LAMP3: variants seen among roughly 807,000 people sequenced by gnomAD.
The protein encoded by LAMP3 is lysosome-associated membrane glycoprotein 3.
LAMP3 carries 26 observed loss-of-function variants against 34.8 expected under a neutral mutation model. That is an observed-to-expected ratio of 0.75 (90% CI 0.55 to 1.04). The LOEUF is 1.04. Among genes scored for constraint, LAMP3 ranks in the 50% least tolerant of loss-of-function variants. LAMP3 has a pLI of 0.00. For missense variants in LAMP3, 495 were observed against 524.0 expected (o/e 0.94, Z 0.54); for synonymous variants, 180 against 201.9 (o/e 0.89, Z 0.92).
At chr3:183,132,973 A>C in intron 5 of LAMP3, 1 of 982,864 alleles carries the variant, frequency 1.0e-6, no homozygotes, top group Non-Finnish European at 1.2e-6. Context: ...TTGAAGTCAG[A>C]GTAACAAGTG....
At chr3:183,144,856 G>C (rs1720392994) in intron 3 of LAMP3, among the ~76,000 whole-genome samples, 1 of 152,212 alleles carries the variant, frequency 6.6e-6, no homozygotes, top group Non-Finnish European at 1.5e-5. Context: ...CAGTGAGCCT[G>C]ATCGTGCTAC....
At position 183,124,143 on chromosome 3, in the gene LAMP3, T is replaced by G. The variant is rs1379099535; in HGVS notation, c.1189A>C (p.Met397Leu). Residue 397 changes from methionine (M) to leucine (L), a missense_variant, in exon 6 of 6, where the codon ATG (methionine) becomes CTG (leucine). Transcript: ENST00000265598. The stretch of plus-strand genomic sequence containing the variant: ...CGGATTTTATAGACACCCATACCCA[T>G]AAGGCAGAGACCAACCACGATGGCC... The part of the protein sequence containing the change: ...IGAIVVGLCL[M>L]GMGVYKIRLR... 2 of 1,613,236 alleles carry G rather than the reference T, an allele frequency of 1.2e-6. No individual in the cohort carries two copies. Among genetic ancestry groups the G allele is most frequent in the Non-Finnish European group, 1.7e-6 (2 of 1,179,710 alleles).
chr3:183,136,609 C>T (rs1406968532), intron 4 of LAMP3, among the ~76,000 whole-genome samples: 1 of 138,496 alleles, frequency 7.2e-6, no homozygotes, highest in Non-Finnish European at 1.5e-5. Flanking sequence ...CGAGATTGTG[C>T]CATTGCACTC....
At chr3:183,126,182 A>C (rs1719774185) in intron 5 of LAMP3, among the ~76,000 whole-genome samples, 1 of 152,178 alleles carries the variant, frequency 6.6e-6, no homozygotes, top group African/African-American at 2.4e-5. Flanking sequence ...CGTAAAAACT[A>C]AAATAGTATT....
chr3:183,162,701 A>G lies in LAMP3; in HGVS notation c.-46T>C, dbSNP rs1464523432. On this transcript the variant is annotated 5_prime_UTR_variant, in exon 1 of 6. Coordinates refer to ENST00000265598, the MANE Select transcript of LAMP3 (RefSeq NM_014398.4). ...CTGCAGCGTGCGGCGAAGTCCGGGC[A>G]GGCCCCGAATCGGTGCCAGAGAAAC... The G allele has an allele frequency of 6.1e-5, 91 of 1,483,396 alleles. No homozygotes were observed. The highest frequency in any genetic ancestry group is 8.0e-5 in the Non-Finnish European group (90 of 1,123,240). The allele number at this position is 1,483,396 out of a possible 1,614,324, so 91.9% of individuals were successfully genotyped here.
At chr3:183,148,446 T>G (rs1445127084) in intron 3 of LAMP3, among the ~76,000 whole-genome samples, 1 of 152,118 alleles carries the variant, frequency 6.6e-6, no homozygotes, top group African/African-American at 2.4e-5. Context: ...AACCAGAACA[T>G]AGAAGAAGCT....
chr3:183,149,593 A>G (rs1367783831), intron 3 of LAMP3, among the ~76,000 whole-genome samples: 5 of 99,248 alleles, frequency 5.0e-5, no homozygotes, highest in African/African-American at 1.6e-4. Flanking sequence ...ATATATATAT[A>G]TATATATATA....
chr3:183,137,823 C>CTT (rs1312008157), intron 4 of LAMP3, among the ~76,000 whole-genome samples: 6 of 142,934 alleles, frequency 4.2e-5, no homozygotes, highest in Non-Finnish European at 6.2e-5. Context: ...TTCCCCCCAC[C>CTT]TTTTTTTTTT....
chr3:183,124,959 T>C (rs1449396229), intron 5 of LAMP3, among the ~76,000 whole-genome samples: 1 of 152,256 alleles, frequency 6.6e-6, no homozygotes, highest in Non-Finnish European at 1.5e-5. Flanking sequence ...GGTTCTATTG[T>C]ATTACTTTTA....
Position 183,162,734 on chromosome 3 carries a change from T to C in LAMP3, c.-79A>G. 7.5e-7 allele frequency: 1 copy of C among 1,331,734 alleles called. No individual in the cohort carries two copies. Among genetic ancestry groups the C allele is most frequent in the Non-Finnish European group, 9.9e-7 (1 of 1,011,228 alleles). The allele number at this position is 1,331,734 out of a possible 1,614,324, so 82.5% of individuals were successfully genotyped here. A position where few individuals can be genotyped will look rare whatever the true frequency, so the allele number is the denominator to read the frequency against. On this transcript the variant is annotated 5_prime_UTR_variant, in exon 1 of 6. Coordinates refer to ENST00000265598, the MANE Select transcript of LAMP3 (RefSeq NM_014398.4). ...AATCGGTGCCAGAGAAACCTACCTG[T>C]GCCGGAGAAACGAAACCACCTGCTT...
intron 1 of LAMP3, among the ~76,000 whole-genome samples, chr3:183,159,195 CA>C (rs569468812): frequency 7.2e-5 from 11 of 152,296 alleles, no homozygotes; most frequent in African/African-American, 2.6e-4. Flanking sequence ...GCCCGACTGA[CA>C]AGTGTCTTTA....
At chr3:183,159,191 C>G (rs1294661147) in intron 1 of LAMP3, among the ~76,000 whole-genome samples, 2 of 152,222 alleles carry the variant, frequency 1.3e-5, no homozygotes, top group African/African-American at 4.8e-5. Flanking sequence ...CTGTGCCCGA[C>G]TGACAAGTGT....
chr3:183,122,622 C>A lies in LAMP3; in HGVS notation c.*1459G>T, dbSNP rs1560300405. ...AAAATACTTTGAGTTTATTTGATGC[C>A]TTCATCTTTACAGCCCAGCTAAGCA... On this transcript the variant is annotated 3_prime_UTR_variant, in exon 6 of 6. Transcript: ENST00000265598. 6.6e-6 allele frequency: 1 copy of A among 152,202 alleles called. No individual in the cohort carries two copies. The highest frequency in any genetic ancestry group is 2.4e-5 in the African/African-American group (1 of 41,442). The allele number at this position is 152,202 out of a possible 1,614,324, so 9.4% of individuals were successfully genotyped here.
chr3:183,134,908 C>T (rs529734241), intron 5 of LAMP3, among the ~76,000 whole-genome samples: 1 of 152,326 alleles, frequency 6.6e-6, no homozygotes, highest in East Asian at 1.9e-4. Flanking sequence ...GTACATGACC[C>T]TCCTGGTCAT....
rs551517571 is a variant in LAMP3, at chr3:183,124,234, C to A, written c.1118-20G>T. ...CATCCACTAAGAGAGAAAACAAATA[C>A]AATACAGTGGGTAAGGTTTGGTGAT... On this transcript the variant is annotated intron_variant, in intron 5 of 5. Transcript: ENST00000265598. 1.6e-5 allele frequency: 25 copies of A among 1,538,880 alleles called. No individual in the cohort carries two copies. Among genetic ancestry groups the A allele is most frequent in the Non-Finnish European group, 1.7e-5 (20 of 1,147,538 alleles).
chr3:183,149,342 C>A (rs1019466453), intron 3 of LAMP3, among the ~76,000 whole-genome samples: 37 of 151,506 alleles, frequency 2.4e-4, no homozygotes, highest in Non-Finnish European at 3.7e-4. Context: ...GAGATCGAGA[C>A]CATCCTGGCC....
At chr3:183,154,447 CCT>C (rs1486705463) in intron 1 of LAMP3, 56 bp from the exon 2 acceptor site, 1 of 1,288,040 alleles carries the variant, frequency 7.8e-7, no homozygotes, top group Non-Finnish European at 1.1e-6. Flanking sequence ...TACAAGGTTC[CCT>C]CTCCCATCCC....
At chr3:183,135,569 G>T in intron 5 of LAMP3, 148 bp downstream of exon 5, 9 of 766,930 alleles carry the variant, frequency 1.2e-5, no homozygotes, top group Non-Finnish European at 1.9e-5. Context: ...GGCCAGAGGA[G>T]CCTGGCCCTG....
At chr3:183,137,248 G>T (rs1720126326) in intron 4 of LAMP3, among the ~76,000 whole-genome samples, 1 of 152,068 alleles carries the variant, frequency 6.6e-6, no homozygotes, top group African/African-American at 2.4e-5. Context: ...GAATCCGAGG[G>T]GTGGAGGTTG....
Sources: allele counts gnomAD v4.1 joint callset (sites outside exome capture counted in the v4.1 genomes callset), GRCh38; gene constraint gnomAD v4.1.1; transcripts MANE v1.5; gene names NCBI Gene and HGNC (gene_info 2026-07-23, HGNC 2026-07-21).